The following DMC1 variants were observed in gnomAD, a reference collection of about 807,000 sequenced individuals.
DMC1 encodes the protein DNA meiotic recombinase 1.
A neutral mutation model predicts 50.1 loss-of-function variants in DMC1; 27 were observed. The ratio of observed to expected loss-of-function variants is 0.54; its 90% CI spans 0.40 to 0.74. The LOEUF (loss-of-function observed/expected upper bound fraction) is 0.74. Among genes scored for constraint, DMC1 ranks in the 30% least tolerant of loss-of-function variants. DMC1 has a pLI of 0.00. For missense variants in DMC1, 295 were observed against 420.2 expected, an observed-to-expected ratio of 0.70 and a Z score of 2.60; for synonymous variants, 148 against 136.1, an observed-to-expected ratio of 1.09 and a Z score of -0.61.
At position 38,552,673 on chromosome 22, in the gene DMC1, G is replaced by T. The variant is rs777898171; in HGVS notation, c.414C>A (p.Thr138=). Residue 138 remains threonine, a synonymous_variant, in exon 7 of 14, where the codon ACC becomes ACA. Coordinates refer to ENST00000216024, the MANE Select transcript of DMC1 (RefSeq NM_007068.4). ...GTTGTTATATATCCTTACCACAGAG[G>T]GTATGAGAAAGCTGGGTTTTTCCAG... The part of the protein sequence containing the change: ...FRTGKTQLSH[T]LCVTAQLPGA... 8 of 1,590,138 alleles carry T rather than the reference G, an allele frequency of 5.0e-6. No homozygotes were observed. The highest frequency in any genetic ancestry group is 6.0e-6 in the Non-Finnish European group (7 of 1,158,696).
intron 12 of DMC1, among the ~76,000 whole-genome samples, chr22:38,529,003 A>G (rs1360861927): frequency 1.3e-5 from 2 of 150,860 alleles, no homozygotes; most frequent in Non-Finnish European, 3.0e-5. Flanking sequence ...ATTTTCTTCT[A>G]TTTCTTTCTT....
chr22:38,568,438 G>A (rs2090603539), intron 1 of DMC1, 149 bp from the exon 2 acceptor site: 1 of 648,420 alleles, frequency 1.5e-6, no homozygotes, highest in Non-Finnish European at 2.7e-6. Context: ...TGCGAGACAT[G>A]TGACATTATT....
chr22:38,545,509 G>A (rs543042066), intron 8 of DMC1, among the ~76,000 whole-genome samples: 4 of 152,102 alleles, frequency 2.6e-5, no homozygotes, highest in South Asian at 4.2e-4. Flanking sequence ...TGCAAGCTCC[G>A]CCTCGCGGGT....
chr22:38,520,673 T>C (rs2090014905), intron 13 of DMC1, among the ~76,000 whole-genome samples: 2 of 151,970 alleles, frequency 1.3e-5, no homozygotes, highest in African/African-American at 4.8e-5. Context: ...GATGTTCTTT[T>C]AGTATAGTGT....
chr22:38,531,693 T>A (rs2090153338), intron 12 of DMC1, among the ~76,000 whole-genome samples: 1 of 152,216 alleles, frequency 6.6e-6, no homozygotes, highest in South Asian at 2.1e-4. Flanking sequence ...CCAATTATAG[T>A]GAACCTTGTT....
At chr22:38,554,283 T>C (rs773822572) in intron 6 of DMC1, among the ~76,000 whole-genome samples, 23 of 152,128 alleles carry the variant, frequency 1.5e-4, no homozygotes, top group Non-Finnish European at 3.2e-4. Flanking sequence ...AAATTCGTTC[T>C]GGAGGAAAAC....
In DMC1 at chr22:38,529,960, C is replaced by T. The variant is rs553438426; in HGVS notation, c.836+7632G>A. Among the ~76,000 whole-genome samples the T allele has an allele frequency of 4.6e-5, 7 of 151,994 alleles. No individual in the cohort carries two copies. The East Asian group carries it at 1.4e-3, about 29-fold the overall frequency. The stretch of plus-strand genomic sequence containing the variant: ...ATTGAGGAGAGAAAGATTGAACTTG[C>T]CCAAGAATGAGGAGGCTTTTTTGGA... On this transcript the variant is annotated intron_variant, in intron 12 of 13. Coordinates refer to ENST00000216024, the MANE Select transcript of DMC1 (RefSeq NM_007068.4).
At chr22:38,516,323 G>A (rs2089976226), downstream of DMC1, among the ~76,000 whole-genome samples, 1 of 152,108 alleles carries the variant, frequency 6.6e-6, no homozygotes, top group South Asian at 2.1e-4. Context: ...CTGAACTTTA[G>A]GCCTTTGTTT....
intron 3 of DMC1, 50 bp downstream of exon 3, chr22:38,567,533 T>G: frequency 1.4e-6 from 2 of 1,447,202 alleles, no homozygotes; most frequent in Non-Finnish European, 1.9e-6. Context: ...AGGTTGATGC[T>G]GAGAAATCCT....
Position 38,544,764 on chromosome 22 carries a change from T to C in DMC1, c.494+5161A>G, listed in dbSNP as rs549452961. 2.0e-5 allele frequency among the ~76,000 whole-genome samples: 3 copies of C among 150,430 alleles called. No individual in the cohort carries two copies. In the East Asian group the frequency reaches 5.9e-4, roughly 30 times the overall value. On this transcript the variant is annotated intron_variant, in intron 8 of 13. Coordinates refer to ENST00000216024, the MANE Select transcript of DMC1 (RefSeq NM_007068.4). ...CCTCAGCCTCCTGAGTAGCTGGGACTACAGGCACGTGCCACCATGCCCGGC... is the reference window on the plus strand; with the variant it reads ...CCTCAGCCTCCTGAGTAGCTGGGACCACAGGCACGTGCCACCATGCCCGGC...
the DMC1 span, among the ~76,000 whole-genome samples, chr22:38,513,485 C>A: frequency 7.4e-4 from 113 of 152,344 alleles, no homozygotes; most frequent in African/African-American, 2.6e-3. Flanking sequence ...CCTGACTAGC[C>A]ACACTTGGTG....
At position 38,520,518 on chromosome 22, in the gene DMC1, C is replaced by T. The variant is rs1199679469; in HGVS notation, c.954-429G>A. Among the ~76,000 whole-genome samples, 8 of 151,984 alleles carry T rather than the reference C, an allele frequency of 5.3e-5. No individual in the cohort carries two copies. The East Asian group carries it at 7.7e-4, about 15-fold the overall frequency. ...GATTACAGGTGCCTGCCACCACGCC[C>T]GGCTAATTTTTGTATTTTTAGTAGA... is the stretch of plus-strand genomic sequence containing the variant. On this transcript the variant is annotated intron_variant, in intron 13 of 13. Coordinates refer to ENST00000216024, the MANE Select transcript of DMC1 (RefSeq NM_007068.4).
chr22:38,532,203 A>G (rs1176773141), intron 12 of DMC1, among the ~76,000 whole-genome samples: 1 of 152,188 alleles, frequency 6.6e-6, no homozygotes, highest in Non-Finnish European at 1.5e-5. Flanking sequence ...TGTGTATGAA[A>G]GTCATCCCAT....
intron 12 of DMC1, among the ~76,000 whole-genome samples, chr22:38,535,094 T>C (rs1287734406): frequency 2.0e-5 from 3 of 151,212 alleles, no homozygotes; most frequent in South Asian, 4.2e-4. Context: ...GGTCAAGAGA[T>C]AGAAACCATC....
intron 12 of DMC1, among the ~76,000 whole-genome samples, chr22:38,526,423 T>C (rs1240615641): frequency 6.6e-6 from 1 of 152,132 alleles, no homozygotes; most frequent in Non-Finnish European, 1.5e-5. Context: ...TTAATCAGGC[T>C]GGTCTCGAAC....
intron 8 of DMC1, among the ~76,000 whole-genome samples, chr22:38,540,017 G>A (rs577557800): frequency 2.3e-4 from 35 of 152,180 alleles, no homozygotes; most frequent in Middle Eastern, 3.4e-3. Flanking sequence ...TAACTTCAAG[G>A]GCCCAGAAGA....
intron 8 of DMC1, among the ~76,000 whole-genome samples, chr22:38,543,114 T>C (rs1304897263): frequency 6.6e-6 from 1 of 152,152 alleles, no homozygotes; most frequent in African/African-American, 2.4e-5. Context: ...AAAGGAAGCA[T>C]TGGGGAAACT....
chr22:38,567,182 G>T (rs7290463), intron 3 of DMC1, among the ~76,000 whole-genome samples: 3,560 of 151,972 alleles, frequency 0.023, 84 homozygotes, highest in Non-Finnish European at 0.029. Context: ...ATTTTCTCTT[G>T]CTTCTATTTT....
chr22:38,540,337 T>C (rs1177292839), intron 8 of DMC1, among the ~76,000 whole-genome samples: 3 of 152,266 alleles, frequency 2.0e-5, no homozygotes, highest in Middle Eastern at 6.8e-3. Flanking sequence ...TGAGCCACCA[T>C]GCCTAGCCAG....
Sources: allele counts gnomAD v4.1 joint callset (sites outside exome capture counted in the v4.1 genomes callset), GRCh38; gene constraint gnomAD v4.1.1; transcripts MANE v1.5; gene names NCBI Gene and HGNC (gene_info 2026-07-23, HGNC 2026-07-21).